Variants in IGF1R observed in about 807,000 individuals in gnomAD.
The protein encoded by IGF1R is insulin-like growth factor 1 receptor.
In IGF1R, 44 loss-of-function variants were observed where a neutral mutation model predicts 144.6. The observed-to-expected ratio is 0.30, with a 90% CI of 0.24 to 0.39. The LOEUF (loss-of-function observed/expected upper bound fraction) is 0.39. Ranked by LOEUF, IGF1R falls within the 10% of genes least tolerant of loss-of-function variation. IGF1R has a pLI of 1.00. For missense variants in IGF1R, 1,355 were observed against 1,833.7 expected, an observed-to-expected ratio of 0.74 and a Z score of 4.77; for synonymous variants, 795 against 722.8, an observed-to-expected ratio of 1.10 and a Z score of -1.60.
At chr15:98,661,982 T>G (rs921481279) in intron 1 of IGF1R, among the ~76,000 whole-genome samples, 2 of 101,326 alleles carry the variant, frequency 2.0e-5, no homozygotes, top group Admixed American at 2.2e-4. Flanking sequence ...TTTTTTTTTT[T>G]GAGACAGTCT....
chr15:98,798,319 C>T (rs533879900), intron 2 of IGF1R, among the ~76,000 whole-genome samples: 20 of 151,636 alleles, frequency 1.3e-4, no homozygotes, highest in Admixed American at 7.9e-4. Context: ...AAGGGAAAGG[C>T]GAGGAGCTTG....
chr15:98,676,569 A>G (rs2141206765), intron 1 of IGF1R, among the ~76,000 whole-genome samples: 1 of 152,338 alleles, frequency 6.6e-6, no homozygotes, highest in Non-Finnish European at 1.5e-5. Context: ...AGGTTAAAAA[A>G]AAAAAAATTT....
chr15:98,693,922 G>A (rs1421625222), intron 1 of IGF1R, among the ~76,000 whole-genome samples: 2 of 152,152 alleles, frequency 1.3e-5, no homozygotes, highest in Admixed American at 6.5e-5. Context: ...CCTGTCTTCT[G>A]TTTTTGCCCA....
At chr15:98,856,201 A>T (rs1223577293) in intron 2 of IGF1R, among the ~76,000 whole-genome samples, 4 of 152,346 alleles carry the variant, frequency 2.6e-5, no homozygotes, top group Non-Finnish European at 5.9e-5. Flanking sequence ...TGGGGCTGCA[A>T]AGATCCAGAG....
In IGF1R at chr15:98,958,243, G is replaced by C. The variant is rs1312158102; in HGVS notation, c.*801G>C. ...TTATTTGGGGGAACTGGACACAATA[G>C]GTCTTTCTCTCAGTGAAGGTGGGGA... On this transcript the variant is annotated 3_prime_UTR_variant, in exon 21 of 21. Transcript: ENST00000650285. 2 of 231,480 alleles carry C rather than the reference G, an allele frequency of 8.6e-6. 1 individual carries two copies. Among genetic ancestry groups the C allele is most frequent in the Non-Finnish European group, 1.7e-5 (2 of 117,064 alleles). 14.3% of individuals were successfully genotyped at this position (231,480 alleles called of 1,614,324 possible).
intron 2 of IGF1R, among the ~76,000 whole-genome samples, chr15:98,745,529 A>G (rs765533337): frequency 6.6e-6 from 1 of 152,258 alleles, no homozygotes. Context: ...GGACATCAGA[A>G]CTGGCCTGAA....
At chr15:98,747,723 G>C (rs1409893491) in intron 2 of IGF1R, among the ~76,000 whole-genome samples, 1 of 152,136 alleles carries the variant, frequency 6.6e-6, no homozygotes, top group South Asian at 2.1e-4. Flanking sequence ...GACACTCTGT[G>C]GTCGGGACTT....
intron 1 of IGF1R, among the ~76,000 whole-genome samples, chr15:98,690,440 T>G (rs1350565123): frequency 6.6e-6 from 1 of 152,212 alleles, no homozygotes; most frequent in East Asian, 1.9e-4. Context: ...CTCTTCCTTC[T>G]TCCCCCCTGC....
chr15:98,685,294 C>G (rs1464215838), intron 1 of IGF1R, among the ~76,000 whole-genome samples: 1 of 152,160 alleles, frequency 6.6e-6, no homozygotes, highest in Non-Finnish European at 1.5e-5. Context: ...CTTTGCAGTC[C>G]TGTCACCATA....
rs186013348 is a variant in IGF1R, at chr15:98,783,040, G to A, written c.640+74933G>A. Among the ~76,000 whole-genome samples the A allele has an allele frequency of 2.4e-4, 37 of 152,278 alleles. No individual in the cohort carries two copies. In the East Asian group the frequency reaches 4.4e-3, roughly 18 times the overall value. The stretch of plus-strand genomic sequence containing the variant: ...CCAACATCATGATGCTGTGATTTGC[G>A]AGAAGCTCTCTGCCTGCCTAGGCTG... On this transcript the variant is annotated intron_variant, in intron 2 of 20. Coordinates refer to ENST00000650285, the MANE Select transcript of IGF1R (RefSeq NM_000875.5).
At chr15:98,946,666 G>A (rs1293750722) in intron 19 of IGF1R, among the ~76,000 whole-genome samples, 1 of 152,192 alleles carries the variant, frequency 6.6e-6, no homozygotes, top group South Asian at 2.1e-4. Context: ...GGGAAGCCGG[G>A]GGAAGAACAG....
At chr15:98,765,476 T>C (rs1266654965) in intron 2 of IGF1R, among the ~76,000 whole-genome samples, 2 of 151,252 alleles carry the variant, frequency 1.3e-5, no homozygotes, top group African/African-American at 2.4e-5. Flanking sequence ...ACCTGGCTAA[T>C]TTTTTTTTCT....
intron 2 of IGF1R, among the ~76,000 whole-genome samples, chr15:98,726,060 G>A (rs368643543): frequency 1.3e-5 from 2 of 152,186 alleles, no homozygotes; most frequent in African/African-American, 2.4e-5. Context: ...GACTGTGTTC[G>A]TGATCATGAC....
chr15:98,923,839 C>T, intron 11 of IGF1R, 37 bp from the exon 12 acceptor site: 2 of 1,604,222 alleles, frequency 1.2e-6, no homozygotes, highest in Non-Finnish European at 8.5e-7. Flanking sequence ...TCCCTGGGAA[C>T]CCAAATCCAA....
At chr15:98,908,996 C>A in intron 6 of IGF1R, 97 bp downstream of exon 6, 1 of 1,108,104 alleles carries the variant, frequency 9.0e-7, no homozygotes, top group Non-Finnish European at 1.3e-6. Context: ...GCGGCCCCTC[C>A]TGGTTTCACA....
chr15:98,724,943 C>G (rs2054324133), intron 2 of IGF1R, among the ~76,000 whole-genome samples: 1 of 152,198 alleles, frequency 6.6e-6, no homozygotes, highest in Non-Finnish European at 1.5e-5. Context: ...ATAATTTCAC[C>G]TGCCCTGTGT....
Position 98,891,663 on chromosome 15 carries a change from A to G in IGF1R, c.953+26A>G, listed in dbSNP as rs1216836532. On this transcript the variant is annotated intron_variant, in intron 3 of 20. Coordinates refer to ENST00000650285, the MANE Select transcript of IGF1R (RefSeq NM_000875.5). The surrounding 1 kb of genome is among the most constrained non-coding windows in gnomAD (Gnocchi z 4.7). The stretch of plus-strand genomic sequence containing the variant: ...GTCAGTCGCGGCCACACGTGTGGTC[A>G]CTACCCGCCCCACCTCACCCGCCAC... 3 of 1,592,868 alleles carry G rather than the reference A, an allele frequency of 1.9e-6. No individual in the cohort carries two copies. Among genetic ancestry groups the G allele is most frequent in the Non-Finnish European group, 2.6e-6 (3 of 1,175,426 alleles).
At chr15:98,814,540 G>T (rs527864735) in intron 2 of IGF1R, among the ~76,000 whole-genome samples, 2 of 152,286 alleles carry the variant, frequency 1.3e-5, no homozygotes, top group Admixed American at 1.3e-4. Context: ...AGAGATGGGG[G>T]TCTCACCGTG....
chr15:98,856,237 C>T (rs2011809782), intron 2 of IGF1R, among the ~76,000 whole-genome samples: 1 of 152,228 alleles, frequency 6.6e-6, no homozygotes, highest in African/African-American at 2.4e-5. Context: ...GAGGCAGGTC[C>T]TTGTAGACGA....
Sources: gnomAD v4.1 joint callset for allele counts (sites outside exome capture counted in the v4.1 genomes callset) on GRCh38, gnomAD v4.1.1 for gene constraint, Gnocchi (gnomAD v3.1) non-coding constraint, MANE v1.5 for transcripts, NCBI Gene and HGNC (gene_info 2026-07-23, HGNC 2026-07-21) for gene names.